The following PSMA1 variants were observed in gnomAD, a reference collection of about 807,000 sequenced individuals.
PSMA1 encodes the protein proteasome 20S subunit alpha 1.
PSMA1 carries 3 observed loss-of-function variants against 38.4 expected under a neutral mutation model. The ratio of observed to expected loss-of-function variants is 0.08; its 90% confidence interval spans 0.04 to 0.20. The LOEUF (loss-of-function observed/expected upper bound fraction) is 0.20. Among genes scored for constraint, PSMA1 ranks in the 10% least tolerant of loss-of-function variants. The pLI is 1.00. For missense variants in PSMA1, 227 were observed against 325.3 expected, an observed-to-expected ratio of 0.70 and a Z score of 2.32; for synonymous variants, 101 against 107.1, an observed-to-expected ratio of 0.94 and a Z score of 0.35.
chr11:14,579,176 A>C (rs1852253448), intron 2 of PSMA1, among the ~76,000 whole-genome samples: 1 of 152,218 alleles, frequency 6.6e-6, no homozygotes, highest in Non-Finnish European at 1.5e-5. Flanking sequence ...TCGTGACTTA[A>C]AACAACATAA....
intron 2 of PSMA1, among the ~76,000 whole-genome samples, chr11:14,598,626 C>T (rs1390606090): frequency 6.7e-6 from 1 of 149,088 alleles, no homozygotes; most frequent in Non-Finnish European, 1.5e-5. Context: ...TATTTTGAGC[C>T]TACGTATGTC....
intron 2 of PSMA1, among the ~76,000 whole-genome samples, chr11:14,550,729 C>T (rs1851876407): frequency 6.7e-6 from 1 of 148,566 alleles, no homozygotes; most frequent in East Asian, 2.0e-4. Flanking sequence ...AGTGATGAAA[C>T]TTCTTAATTT....
At chr11:14,548,298 G>T (rs922833698) in intron 2 of PSMA1, among the ~76,000 whole-genome samples, 16 of 152,076 alleles carry the variant, frequency 1.1e-4, no homozygotes, top group Admixed American at 5.9e-4. Flanking sequence ...ATTTGCCCAA[G>T]CTCATATGAC....
At position 14,602,017 on chromosome 11, in the gene PSMA1, T is replaced by C. The variant is rs555694053; in HGVS notation, c.21+8949A>G. 1.7e-4 allele frequency among the ~76,000 whole-genome samples: 26 copies of C among 152,322 alleles called. 2 individuals are homozygous for C. Among genetic ancestry groups the C allele is most frequent in the South Asian group, 1.2e-3 (6 of 4,830 alleles). ...TCTCATTCTTTACATAGAGCCCTCA[T>C]TGGTTCCTCACTATAGATTCATGGC... is the stretch of plus-strand genomic sequence containing the variant. On this transcript the variant is annotated intron_variant, in intron 2 of 10. Transcript: ENST00000418988.
chr11:14,592,392 ATATTT>A (rs138097592), intron 2 of PSMA1, among the ~76,000 whole-genome samples: 16 of 140,810 alleles, frequency 1.1e-4, no homozygotes, highest in African/African-American at 3.1e-4. Context: ...ATATATATAT[ATATTT>A]TTTTTTTAGA....
intron 1 of PSMA1, among the ~76,000 whole-genome samples, chr11:14,634,814 C>A (rs116880016): frequency 4.6e-5 from 7 of 152,138 alleles, no homozygotes; most frequent in Middle Eastern, 3.4e-3. Context: ...AGAACTGGAG[C>A]CTTTAGTTAT....
intron 2 of PSMA1, among the ~76,000 whole-genome samples, chr11:14,573,271 C>T (rs763086169): frequency 1.3e-4 from 20 of 152,198 alleles, no homozygotes; most frequent in Non-Finnish European, 2.2e-4. Context: ...CAATAAAATA[C>T]TGGCAAACCG....
rs34292683 is a variant in PSMA1, at chr11:14,616,231, G to GTTTTTTTTT, written c.-165-5089_-165-5081dup. ...AGGTGAGAGTTGGAGGATCCCAACA[G>GTTTTTTTTT]TTTTTTTTTTTTTTTTTTTTGAGAC... On this transcript the variant is annotated intron_variant, in intron 1 of 10. Transcript: ENST00000418988. 2.4e-5 allele frequency among the ~76,000 whole-genome samples: 3 copies of GTTTTTTTTT among 126,686 alleles called. 1 individual carries two copies. The highest frequency in any genetic ancestry group is 5.0e-5 in the Non-Finnish European group (3 of 60,256). The allele number at this position is 126,686 out of a possible 152,430, so 83.1% of individuals were successfully genotyped here. A position where few individuals can be genotyped will look rare whatever the true frequency, so the allele number is the denominator to read the frequency against.
intron 2 of PSMA1, among the ~76,000 whole-genome samples, chr11:14,533,451 G>T (rs1223798641): frequency 2.0e-5 from 3 of 152,132 alleles, no homozygotes; most frequent in Non-Finnish European, 2.9e-5. Flanking sequence ...GCTTCCTAAG[G>T]TACCCCATGT....
intron 2 of PSMA1, among the ~76,000 whole-genome samples, chr11:14,597,472 G>T (rs1055482211): frequency 3.9e-5 from 6 of 152,126 alleles, no homozygotes; most frequent in Admixed American, 2.0e-4. Context: ...TTTAGTCTTG[G>T]GAGGGTGTAT....
At chr11:14,539,954 G>C (rs1429258276) in intron 2 of PSMA1, among the ~76,000 whole-genome samples, 1 of 152,118 alleles carries the variant, frequency 6.6e-6, no homozygotes, top group Admixed American at 6.5e-5. Flanking sequence ...ATATAAATGA[G>C]AGAATAAAAA....
At chr11:14,595,723 C>T (rs1464715061) in intron 2 of PSMA1, among the ~76,000 whole-genome samples, 1 of 152,190 alleles carries the variant, frequency 6.6e-6, no homozygotes. Flanking sequence ...GTTTCTTTTG[C>T]TGTGCAGAAG....
chr11:14,552,510 A>T (rs963988361), intron 2 of PSMA1, among the ~76,000 whole-genome samples: 1 of 152,206 alleles, frequency 6.6e-6, no homozygotes, highest in African/African-American at 2.4e-5. Context: ...ATATGAATTC[A>T]TGCTAGGAAA....
At chr11:14,631,415 T>C (rs528379534) in intron 1 of PSMA1, among the ~76,000 whole-genome samples, 3,405 of 151,446 alleles carry the variant, frequency 0.022, 160 homozygotes, top group African/African-American at 0.079. Context: ...GCCTTCATTT[T>C]GTTATATACC....
At chr11:14,639,743 T>G (rs932067883) in intron 1 of PSMA1, among the ~76,000 whole-genome samples, 3 of 152,218 alleles carry the variant, frequency 2.0e-5, no homozygotes, top group Non-Finnish European at 4.4e-5. Flanking sequence ...TCCTCCAGAT[T>G]TTTGCACTGC....
chr11:14,549,334 C>G (rs1483056025), intron 2 of PSMA1, among the ~76,000 whole-genome samples: 1 of 152,150 alleles, frequency 6.6e-6, no homozygotes, highest in Non-Finnish European at 1.5e-5. Flanking sequence ...CTAAATCTCA[C>G]TCTACTCTCT....
intron 2 of PSMA1, among the ~76,000 whole-genome samples, chr11:14,553,955 C>A (rs1172332755): frequency 6.6e-6 from 1 of 152,142 alleles, no homozygotes; most frequent in African/African-American, 2.4e-5. Flanking sequence ...ATGAGAGAGT[C>A]AGTTTTCTCC....
At chr11:14,545,765 A>AT (rs1240978699) in intron 2 of PSMA1, among the ~76,000 whole-genome samples, 1 of 152,246 alleles carries the variant, frequency 6.6e-6, no homozygotes, top group African/African-American at 2.4e-5. Flanking sequence ...TGTGAAAGCA[A>AT]TAAAAAAAAG....
chr11:14,524,942 C>T (rs1415980464), upstream of PSMA1, among the ~76,000 whole-genome samples: 3 of 152,222 alleles, frequency 2.0e-5, no homozygotes, highest in Non-Finnish European at 2.9e-5. Context: ...CTCGGCTTAG[C>T]GGCTGAAGAC....
Sources: gnomAD v4.1 joint callset for allele counts (sites outside exome capture counted in the v4.1 genomes callset) on GRCh38, gnomAD v4.1.1 for gene constraint, MANE v1.5 for transcripts, NCBI Gene and HGNC (gene_info 2026-07-23, HGNC 2026-07-21) for gene names.